The following GRB10 variants were observed in gnomAD, a reference collection of about 807,000 sequenced individuals.
GRB10 encodes the protein growth factor receptor bound protein 10.
A neutral mutation model predicts 80.9 loss-of-function variants in GRB10; 20 were observed. That is an observed-to-expected ratio of 0.25 (90% CI 0.17 to 0.36). The LOEUF is 0.36. GRB10 is among the 10% of genes least tolerant of loss of function. The pLI is 1.00. For synonymous variants in GRB10, 291 were observed against 291.5 expected (o/e 1.00, Z 0.02); for missense variants, 548 against 747.7 (o/e 0.73, Z 3.12).
intron 2 of GRB10, among the ~76,000 whole-genome samples, chr7:50,775,592 T>C (rs1043578795): frequency 2.6e-5 from 4 of 152,230 alleles, no homozygotes. Flanking sequence ...CTGCTGGACA[T>C]TGCCCTAGTG....
intron 5 of GRB10, among the ~76,000 whole-genome samples, chr7:50,684,842 T>C (rs2061937302): frequency 6.6e-6 from 1 of 152,220 alleles, no homozygotes; most frequent in Non-Finnish European, 1.5e-5. Context: ...TTATTTCAAT[T>C]CCTAACTCTT....
At chr7:50,707,889 G>A (rs763483962) in intron 4 of GRB10, among the ~76,000 whole-genome samples, 3 of 152,154 alleles carry the variant, frequency 2.0e-5, no homozygotes, top group Non-Finnish European at 2.9e-5. Flanking sequence ...TGCTTTGCCC[G>A]AGACCTCCTC....
At chr7:50,646,180 T>C (rs1051361463) in intron 7 of GRB10, among the ~76,000 whole-genome samples, 1 of 152,238 alleles carries the variant, frequency 6.6e-6, no homozygotes, top group Non-Finnish European at 1.5e-5. Context: ...TTAAATGGTA[T>C]ATAAACATCT....
chr7:50,608,687 G>A (rs916188994), intron 13 of GRB10, among the ~76,000 whole-genome samples: 19 of 152,170 alleles, frequency 1.2e-4, no homozygotes, highest in Admixed American at 6.5e-4. Flanking sequence ...ATGTTAGGCC[G>A]GGCGCGGTGG....
chr7:50,769,669 C>T (rs920946262), intron 2 of GRB10, among the ~76,000 whole-genome samples: 1 of 152,300 alleles, frequency 6.6e-6, no homozygotes, highest in East Asian at 1.9e-4. Flanking sequence ...GGGCCTCTGA[C>T]AGGGCACAAC....
intron 12 of GRB10, among the ~76,000 whole-genome samples, chr7:50,614,177 T>A (rs535865447): frequency 1.3e-4 from 20 of 152,206 alleles, no homozygotes; most frequent in Non-Finnish European, 2.4e-4. Context: ...GTGTGTATAA[T>A]GTATGTGTAT....
chr7:50,713,184 T>C (rs943474755), intron 4 of GRB10, among the ~76,000 whole-genome samples: 1 of 152,192 alleles, frequency 6.6e-6, no homozygotes, highest in African/African-American at 2.4e-5. Context: ...CCAAGGACTA[T>C]TGAAGATTTA....
chr7:50,643,062 T>C (rs1057265874), intron 7 of GRB10, among the ~76,000 whole-genome samples: 2 of 152,144 alleles, frequency 1.3e-5, no homozygotes, highest in Non-Finnish European at 2.9e-5. Context: ...GTTTGAACCA[T>C]TCGGGTCCAG....
chr7:50,714,700 C>G (rs1030858967), intron 4 of GRB10, among the ~76,000 whole-genome samples: 1 of 152,060 alleles, frequency 6.6e-6, no homozygotes, highest in African/African-American at 2.4e-5. Context: ...ATCCTGAGCC[C>G]TCCTGAGCTC....
At chr7:50,761,791 G>T (rs1453378846) in intron 2 of GRB10, 4 of 152,178 alleles carry the variant, frequency 2.6e-5, no homozygotes, top group Non-Finnish European at 5.9e-5. Flanking sequence ...GGACTGTGGT[G>T]GTGGATCCTT....
intron 3 of GRB10, among the ~76,000 whole-genome samples, chr7:50,736,259 C>T (rs2070776378): frequency 6.6e-6 from 1 of 152,122 alleles, no homozygotes; most frequent in South Asian, 2.1e-4. Context: ...GCACTCCAGC[C>T]TGGGCAACAC....
chr7:50,663,615 A>C (rs2153631012), intron 7 of GRB10, among the ~76,000 whole-genome samples: 1 of 152,372 alleles, frequency 6.6e-6, no homozygotes, highest in South Asian at 2.1e-4. Context: ...TGCTGACTGG[A>C]GCCACGTGTC....
intron 5 of GRB10, among the ~76,000 whole-genome samples, chr7:50,695,748 T>C (rs1050242003): frequency 3.3e-5 from 5 of 152,230 alleles, no homozygotes; most frequent in African/African-American, 1.2e-4. Context: ...TAATAAACAT[T>C]CAAAGTTCTG....
At chr7:50,644,855 G>A (rs1301199179) in intron 7 of GRB10, among the ~76,000 whole-genome samples, 1 of 152,232 alleles carries the variant, frequency 6.6e-6, no homozygotes, top group Non-Finnish European at 1.5e-5. Context: ...TGACAGACAG[G>A]TGGAAGGGGC....
intron 5 of GRB10, among the ~76,000 whole-genome samples, chr7:50,687,979 G>A (rs2062312117): frequency 6.6e-6 from 1 of 152,230 alleles, no homozygotes; most frequent in African/African-American, 2.4e-5. Context: ...AGTGTATGCT[G>A]GTGAAAAAGA....
intron 4 of GRB10, among the ~76,000 whole-genome samples, chr7:50,711,661 C>A (rs958851079): frequency 1.3e-5 from 2 of 152,156 alleles, no homozygotes; most frequent in Non-Finnish European, 2.9e-5. Context: ...GCCTGATACC[C>A]TCTCTACCAA....
At chr7:50,668,936 A>G (rs912557476) in intron 7 of GRB10, among the ~76,000 whole-genome samples, 2 of 152,236 alleles carry the variant, frequency 1.3e-5, no homozygotes, top group East Asian at 1.9e-4. Flanking sequence ...AGTAGAAACT[A>G]CAAGTTCAAA....
chr7:50,757,585 C>T (rs1455575424), intron 2 of GRB10, among the ~76,000 whole-genome samples: 3 of 152,212 alleles, frequency 2.0e-5, no homozygotes, highest in Admixed American at 6.5e-5. Context: ...TCGCTTTAAC[C>T]GTCTCAAAGA....
chr7:50,622,543 T>C (rs2051984807), intron 8 of GRB10, among the ~76,000 whole-genome samples: 1 of 152,176 alleles, frequency 6.6e-6, no homozygotes, highest in African/African-American at 2.4e-5. Flanking sequence ...ATTTGTAAGA[T>C]CTGGCGGAAA....
Sources: gnomAD v4.1 joint callset for allele counts (sites outside exome capture counted in the v4.1 genomes callset) on GRCh38, gnomAD v4.1.1 for gene constraint, MANE v1.5 for transcripts, NCBI Gene and HGNC (gene_info 2026-07-23, HGNC 2026-07-21) for gene names.